The following FOXP1 variants were observed in gnomAD, a reference collection of about 807,000 sequenced individuals.
FOXP1 encodes the protein forkhead box P1, also known as forkhead box protein P1.
Under a neutral mutation model 98.2 loss-of-function variants are expected in FOXP1, and 15 were observed. The observed-to-expected ratio is 0.15, with a 90% CI of 0.10 to 0.24. FOXP1 has a LOEUF of 0.24. Among genes scored for constraint, FOXP1 ranks in the 10% least tolerant of loss-of-function variants. FOXP1 has a pLI of 1.00. For missense variants in FOXP1, 633 were observed against 848.5 expected (o/e 0.75, Z 3.15); for synonymous variants, 371 against 314.5 (o/e 1.18, Z -1.90).
chr3:71,149,517 G>A (rs940531944), intron 6 of FOXP1, among the ~76,000 whole-genome samples: 7 of 151,952 alleles, frequency 4.6e-5, no homozygotes, highest in African/African-American at 9.7e-5. Context: ...AATGAAATAC[G>A]GCATATTCTT....
chr3:71,333,238 C>A (rs2076453862), intron 4 of FOXP1: 1 of 152,104 alleles, frequency 6.6e-6, no homozygotes, highest in Non-Finnish European at 1.5e-5. Flanking sequence ...AGAAAGCATG[C>A]CAGTAGCCAA....
At chr3:71,486,113 C>G (rs2090626656) in intron 3 of FOXP1, among the ~76,000 whole-genome samples, 1 of 151,966 alleles carries the variant, frequency 6.6e-6, no homozygotes, top group African/African-American at 2.4e-5. Flanking sequence ...TGAAATTGGC[C>G]CAACTTGGAA....
At chr3:71,209,706 A>G (rs1326943654) in intron 5 of FOXP1, among the ~76,000 whole-genome samples, 1 of 152,212 alleles carries the variant, frequency 6.6e-6, no homozygotes, top group Non-Finnish European at 1.5e-5. Context: ...CCTGATGTGC[A>G]CTACCACATA....
chr3:70,954,727 A>C lies in FOXP1; in HGVS notation c.*4520T>G, dbSNP rs1329187556. 6 of 226,178 alleles carry C rather than the reference A, an allele frequency of 2.7e-5. No individual in the cohort carries two copies. Among genetic ancestry groups the C allele is most frequent in the East Asian group, 6.3e-5 (1 of 15,760 alleles). The allele number at this position is 226,178 out of a possible 1,614,324, so 14.0% of individuals were successfully genotyped here. ...GGCAACTTTTACTACCAGCGTGAAC[A>C]ACCAGCATTTTTATTGCATTTGAGA... On this transcript the variant is annotated 3_prime_UTR_variant, in exon 21 of 21. Coordinates refer to ENST00000649528, the MANE Select transcript of FOXP1 (RefSeq NM_001349338.3).
At chr3:71,077,133 G>C (rs1037788237) in intron 7 of FOXP1, among the ~76,000 whole-genome samples, 4 of 152,116 alleles carry the variant, frequency 2.6e-5, no homozygotes, top group African/African-American at 7.2e-5. Context: ...ATCCAAGCAG[G>C]GGCAAACTTC....
intron 2 of FOXP1, among the ~76,000 whole-genome samples, chr3:71,538,026 G>T (rs773714258): frequency 6.6e-6 from 1 of 152,206 alleles, no homozygotes; most frequent in East Asian, 1.9e-4. Flanking sequence ...CTGAGAGACT[G>T]TATGGCCTGC....
chr3:71,357,004 C>A (rs114947684), intron 4 of FOXP1, among the ~76,000 whole-genome samples: 1 of 152,136 alleles, frequency 6.6e-6, no homozygotes, highest in African/African-American at 2.4e-5. Flanking sequence ...GCACCCCACT[C>A]CCACGGTAAG....
chr3:70,967,687 GTTTTTTTTTT>G (rs67711426), intron 19 of FOXP1, among the ~76,000 whole-genome samples: 4 of 61,358 alleles, frequency 6.5e-5, no homozygotes, highest in Non-Finnish European at 3.3e-5. Flanking sequence ...ACTATTATTT[GTTTTTTTTTT>G]TTGTTTTTTT....
chr3:71,397,014 A>ATATATATACACATATATATGTG (rs2081498544), intron 3 of FOXP1, among the ~76,000 whole-genome samples: 1 of 63,944 alleles, frequency 1.6e-5, no homozygotes, highest in Non-Finnish European at 3.2e-5. Flanking sequence ...ATGTGTATAT[A>ATATATATACACATATATATGTG]TATATATATA....
intron 2 of FOXP1, among the ~76,000 whole-genome samples, chr3:71,578,308 A>G (rs990419960): frequency 1.3e-5 from 2 of 152,230 alleles, no homozygotes; most frequent in African/African-American, 4.8e-5. Flanking sequence ...TAATGTAAGT[A>G]CCTTAAAGTA....
intron 6 of FOXP1, among the ~76,000 whole-genome samples, chr3:71,182,500 A>ATGTGTGTGTGTG (rs201090847): frequency 8.7e-5 from 12 of 138,546 alleles, no homozygotes; most frequent in African/African-American, 2.8e-4. Flanking sequence ...TAAACTATAT[A>ATGTGTGTGTGTG]TATGTGTGTG....
At chr3:71,269,032 G>A (rs1215478966) in intron 5 of FOXP1, among the ~76,000 whole-genome samples, 1 of 151,876 alleles carries the variant, frequency 6.6e-6, no homozygotes, top group African/African-American at 2.4e-5. Context: ...ACTTCACTCT[G>A]CAGTGGCACC....
chr3:71,524,661 C>G (rs1444269576), intron 2 of FOXP1, among the ~76,000 whole-genome samples: 1 of 151,594 alleles, frequency 6.6e-6, no homozygotes, highest in Non-Finnish European at 1.5e-5. Flanking sequence ...AAATATTAAA[C>G]TGTTTACATG....
rs147756430 is a variant in FOXP1 at position 70,977,843 on chromosome 3, C to T, written c.1333G>A (p.Val445Met). The change falls in exon 15 of 21, where the codon GTG becomes ATG. Residue 445 changes from valine (V) to methionine (M), a missense_variant. By Grantham distance (21) the Val-to-Met change is conservative. Transcript: ENST00000649528. ...GAGTATCTACCTGACGAAATGGGCACGTTGTATTTGTCTGAGTACCGCCTG... is the reference window on the plus strand; with the variant it reads ...GAGTATCTACCTGACGAAATGGGCATGTTGTATTTGTCTGAGTACCGCCTG... ...IRRRYSDKYNVPISSADIAQN... is the reference protein window; with the variant it reads ...IRRRYSDKYNMPISSADIAQN... 632 of 1,614,060 alleles carry T rather than the reference C, an allele frequency of 3.9e-4. 5 individuals are homozygous for T. Among genetic ancestry groups the T allele is most frequent in the South Asian group, 1.2e-3 (108 of 91,078 alleles).
intron 2 of FOXP1, among the ~76,000 whole-genome samples, chr3:71,525,214 T>C (rs1466865860): frequency 6.6e-6 from 1 of 152,222 alleles, no homozygotes; most frequent in Non-Finnish European, 1.5e-5. Flanking sequence ...AAGTGATACA[T>C]AATTTCACCA....
chr3:71,503,015 T>C (rs1193816318), intron 2 of FOXP1, among the ~76,000 whole-genome samples: 1 of 149,198 alleles, frequency 6.7e-6, no homozygotes, highest in Non-Finnish European at 1.5e-5. Context: ...GCCTCTAATG[T>C]AAAACTGAAA....
rs9827220 is a variant in FOXP1 at position 71,280,096 on chromosome 3, C to T, written c.-12+19724G>A. ...TGAGACTGCACCACTGCACTCCAGC[C>T]TGCGCAACAGAGTGAGACTCTGTCT... is the stretch of plus-strand genomic sequence containing the variant. On this transcript the variant is annotated intron_variant, in intron 5 of 20. Coordinates refer to ENST00000649528, the MANE Select transcript of FOXP1 (RefSeq NM_001349338.3). Among the ~76,000 whole-genome samples, 1,034 of 137,660 alleles carry T rather than the reference C, an allele frequency of 7.5e-3. 14 individuals are homozygous for T. The highest frequency in any genetic ancestry group is 0.027 in the African/African-American group (986 of 36,354). 90.3% of individuals were successfully genotyped at this position (137,660 alleles called of 152,430 possible). A position where few individuals can be genotyped will look rare whatever the true frequency, so the allele number is the denominator to read the frequency against.
At chr3:71,336,650 CA>C (rs2076702412) in intron 4 of FOXP1, among the ~76,000 whole-genome samples, 1 of 152,204 alleles carries the variant, frequency 6.6e-6, no homozygotes, top group Non-Finnish European at 1.5e-5. Flanking sequence ...AATAAAATTA[CA>C]AAAGCATCCC....
chr3:71,378,809 A>G (rs1461039618), intron 3 of FOXP1, among the ~76,000 whole-genome samples: 1 of 151,972 alleles, frequency 6.6e-6, no homozygotes, highest in Non-Finnish European at 1.5e-5. Context: ...AAATCTTATC[A>G]TATGTATGTA....
Sources: gnomAD v4.1 joint callset for allele counts (sites outside exome capture counted in the v4.1 genomes callset) on GRCh38, gnomAD v4.1.1 for gene constraint, MANE v1.5 for transcripts, NCBI Gene and HGNC (gene_info 2026-07-23, HGNC 2026-07-21) for gene names.